PARP4: variants seen among roughly 807,000 people sequenced by gnomAD.
PARP4 encodes the protein poly(ADP-ribose) polymerase family member 4, also known as protein mono-ADP-ribosyltransferase PARP4.
Under a neutral mutation model 187.7 loss-of-function variants are expected in PARP4, and 120 were observed. The ratio of observed to expected loss-of-function variants is 0.64; its 90% CI spans 0.55 to 0.74. PARP4 has a LOEUF of 0.74. Among genes scored for constraint, PARP4 ranks in the 30% least tolerant of loss-of-function variants. The pLI is 0.00. For missense variants in PARP4, 1,836 were observed against 2,070.5 expected, an observed-to-expected ratio of 0.89 and a Z score of 2.20; for synonymous variants, 654 against 740.9, an observed-to-expected ratio of 0.88 and a Z score of 1.90.
At chr13:24,443,458 T>C (rs1437922155) in intron 28 of PARP4, among the ~76,000 whole-genome samples, 192 bp downstream of exon 28, 1 of 152,008 alleles carries the variant, frequency 6.6e-6, no homozygotes, top group Admixed American at 6.6e-5. Flanking sequence ...TCCATCCTTT[T>C]GTTAATTCAT....
chr13:24,507,749 C>T (rs778215959), intron 1 of PARP4, among the ~76,000 whole-genome samples: 4 of 152,216 alleles, frequency 2.6e-5, no homozygotes, highest in Non-Finnish European at 5.9e-5. Context: ...AATTGCTTAT[C>T]ATGGTTCAAG....
At chr13:24,507,051 C>T (rs569039942) in intron 1 of PARP4, among the ~76,000 whole-genome samples, 89 of 152,318 alleles carry the variant, frequency 5.8e-4, no homozygotes, top group African/African-American at 1.8e-3. Context: ...CTGGCCCGGA[C>T]GCTAAGCCCC....
At chr13:24,446,805 C>T (rs766287640) in intron 26 of PARP4, 44 bp from the exon 27 acceptor site, 27 of 1,382,972 alleles carry the variant, frequency 2.0e-5, no homozygotes, top group Non-Finnish European at 2.8e-5. Flanking sequence ...CCTTTCCACT[C>T]TGCAGTGTCT....
intron 17 of PARP4, among the ~76,000 whole-genome samples, chr13:24,465,984 T>C (rs1872445833): frequency 6.6e-6 from 1 of 152,208 alleles, no homozygotes; most frequent in African/African-American, 2.4e-5. Context: ...CAGATGTATA[T>C]AGTAGTAAAC....
intron 6 of PARP4, 53 bp from the exon 7 acceptor site, chr13:24,494,775 T>C (rs553221905): frequency 7.8e-7 from 1 of 1,289,564 alleles, no homozygotes; most frequent in South Asian, 1.4e-5. Flanking sequence ...ATATCTAGCT[T>C]TATTGAACAT....
intron 23 of PARP4, among the ~76,000 whole-genome samples, chr13:24,453,083 C>T (rs1051308398): frequency 2.6e-5 from 4 of 151,940 alleles, no homozygotes; most frequent in Non-Finnish European, 4.4e-5. Context: ...TACAGGTGTC[C>T]GTCACTACGC....
chr13:24,444,292 C>T (rs1195829445), intron 27 of PARP4, among the ~76,000 whole-genome samples: 4 of 152,422 alleles, frequency 2.6e-5, no homozygotes, highest in Non-Finnish European at 5.9e-5. Flanking sequence ...ACGACCTCTT[C>T]CCAGGTAAAA....
At chr13:24,483,030 T>A (rs140652921) in intron 12 of PARP4, among the ~76,000 whole-genome samples, 1,639 of 152,114 alleles carry the variant, frequency 0.011, 39 homozygotes, top group African/African-American at 0.036. Context: ...TTTTCTTTTT[T>A]TTTTTTAAGA....
chr13:24,454,574 G>A (rs538418571), intron 22 of PARP4, among the ~76,000 whole-genome samples: 1 of 152,238 alleles, frequency 6.6e-6, no homozygotes, highest in Admixed American at 6.5e-5. Flanking sequence ...ACTGCGCTGA[G>A]GGCAAATGTT....
Position 24,453,048 on chromosome 13 carries a change from C to T in PARP4, c.2827-455G>A, listed in dbSNP as rs192046841. 5.7e-3 allele frequency among the ~76,000 whole-genome samples: 871 copies of T among 152,252 alleles called. 8 individuals are homozygous for T. Among genetic ancestry groups the T allele is most frequent in the African/African-American group, 0.02 (829 of 41,546 alleles). On this transcript the variant is annotated intron_variant, in intron 23 of 33. Transcript: ENST00000381989. Reference sequence around the variant, plus strand: ...CTCCTGGGTTCAAGCGATTCTCCTGCCTCAGCCTTCCAAGTGGCTGGGATT... The same window carrying T: ...CTCCTGGGTTCAAGCGATTCTCCTGTCTCAGCCTTCCAAGTGGCTGGGATT...
At chr13:24,461,788 C>G (rs1027333614) in intron 17 of PARP4, among the ~76,000 whole-genome samples, 1 of 152,182 alleles carries the variant, frequency 6.6e-6, no homozygotes, top group East Asian at 1.9e-4. Flanking sequence ...GCAGCAAACT[C>G]TCACTTCCAG....
At chr13:24,498,056 T>G in intron 6 of PARP4, 60 bp downstream of exon 6, 1 of 1,209,362 alleles carries the variant, frequency 8.3e-7, no homozygotes, top group Non-Finnish European at 1.2e-6. Context: ...GGCTGATTCA[T>G]TGAAATGAGT....
At chr13:24,435,531 T>C in intron 30 of PARP4, 57 bp from the exon 31 acceptor site, 2 of 1,500,468 alleles carry the variant, frequency 1.3e-6, no homozygotes, top group Non-Finnish European at 1.8e-6. Flanking sequence ...AAAAGAACAA[T>C]CAAGCAAACA....
intron 23 of PARP4, among the ~76,000 whole-genome samples, chr13:24,453,010 C>T (rs983324172): frequency 2.6e-5 from 4 of 152,134 alleles, no homozygotes; most frequent in African/African-American, 7.2e-5. Context: ...TCTCGGCTCA[C>T]TGCAACTTCT....
chr13:24,481,113 C>T (rs977834477), intron 12 of PARP4, among the ~76,000 whole-genome samples: 3 of 152,224 alleles, frequency 2.0e-5, no homozygotes, highest in African/African-American at 7.2e-5. Flanking sequence ...AAGAATTGCG[C>T]TAAATCTACT....
At position 24,459,830 on chromosome 13, in the gene PARP4, A is replaced by T. The variant is rs1872107329; in HGVS notation, c.2298+142T>A. 5 of 628,666 alleles carry T rather than the reference A, an allele frequency of 8.0e-6. No individual in the cohort carries two copies. In the Admixed American group the frequency reaches 1.6e-4, roughly 20 times the overall value. The allele number at this position is 628,666 out of a possible 1,614,324, so 38.9% of individuals were successfully genotyped here. ...TTCATTTTATACACATAATGTATCT[A>T]AATGCATGTCAGTAAAATTAACTTT... On this transcript the variant is annotated intron_variant, in intron 18 of 33. Transcript: ENST00000381989.
intron 1 of PARP4, among the ~76,000 whole-genome samples, chr13:24,510,536 A>C (rs1869953630): frequency 7.3e-6 from 1 of 136,152 alleles, no homozygotes; most frequent in South Asian, 2.5e-4. Flanking sequence ...CCTGGGCGAC[A>C]GAGCGAGACT....
At chr13:24,449,968 T>C in intron 24 of PARP4, 151 bp from the exon 25 acceptor site, 1 of 474,232 alleles carries the variant, frequency 2.1e-6, no homozygotes, top group South Asian at 3.6e-5. Flanking sequence ...ACAGAGAAAG[T>C]GATAATAGAA....
intron 32 of PARP4, among the ~76,000 whole-genome samples, chr13:24,429,963 G>C (rs1183281526): frequency 6.6e-6 from 1 of 152,122 alleles, no homozygotes; most frequent in African/African-American, 2.4e-5. Context: ...ATGCCTTTAG[G>C]TGACAAGCTG....
Sources: gnomAD v4.1 joint callset for allele counts (sites outside exome capture counted in the v4.1 genomes callset) on GRCh38, gnomAD v4.1.1 for gene constraint, MANE v1.5 for transcripts, NCBI Gene and HGNC (gene_info 2026-07-23, HGNC 2026-07-21) for gene names.